CAP2: variants seen among roughly 807,000 people sequenced by gnomAD.
The protein encoded by CAP2 is cyclase associated actin cytoskeleton regulatory protein 2, also known as adenylyl cyclase-associated protein 2.
A neutral mutation model predicts 57.7 loss-of-function variants in CAP2; 24 were observed. That is an observed-to-expected ratio of 0.42 (90% CI 0.30 to 0.58). The LOEUF (loss-of-function observed/expected upper bound fraction) is 0.58. Ranked by LOEUF, CAP2 falls within the 20% of genes least tolerant of loss-of-function variation. CAP2 has a pLI of 0.22. For missense variants in CAP2, 501 were observed against 590.3 expected (o/e 0.85, Z 1.57); for synonymous variants, 194 against 207.2 (o/e 0.94, Z 0.55).
intron 1 of CAP2, among the ~76,000 whole-genome samples, chr6:17,414,383 C>T (rs938033542): frequency 6.6e-6 from 1 of 152,024 alleles, no homozygotes; most frequent in South Asian, 2.1e-4. Context: ...CCTATTGACC[C>T]GTCCTCCAAG....
At chr6:17,461,843 A>G (rs1760730024) in intron 3 of CAP2, among the ~76,000 whole-genome samples, 1 of 150,508 alleles carries the variant, frequency 6.6e-6, no homozygotes, top group Non-Finnish European at 1.5e-5. Context: ...ATACAAAAAA[A>G]TTAGCCAGGC....
At chr6:17,531,532 C>T in intron 7 of CAP2, 2 of 1,536,838 alleles carry the variant, frequency 1.3e-6, no homozygotes, top group Non-Finnish European at 1.8e-6. Context: ...TTTGGACAAA[C>T]TTCTTTCTCA....
intron 4 of CAP2, among the ~76,000 whole-genome samples, chr6:17,467,651 G>A (rs1283042460): frequency 2.0e-5 from 3 of 152,118 alleles, no homozygotes; most frequent in Non-Finnish European, 2.9e-5. Flanking sequence ...AGCCTCCTGA[G>A]TAGCTGGGAT....
intron 3 of CAP2, among the ~76,000 whole-genome samples, chr6:17,447,565 C>T (rs1021531088): frequency 6.6e-6 from 1 of 152,206 alleles, no homozygotes; most frequent in Non-Finnish European, 1.5e-5. Context: ...GTGGCGTGAT[C>T]TTGGCTCACT....
intron 4 of CAP2, among the ~76,000 whole-genome samples, chr6:17,499,076 A>G (rs945096913): frequency 3.9e-5 from 6 of 152,040 alleles, no homozygotes; most frequent in Non-Finnish European, 7.4e-5. Flanking sequence ...AAATGTGCCA[A>G]TGAGATTGTT....
chr6:17,413,745 G>A (rs1265779874), intron 1 of CAP2, among the ~76,000 whole-genome samples: 2 of 152,104 alleles, frequency 1.3e-5, no homozygotes, highest in African/African-American at 4.8e-5. Flanking sequence ...TCACTGATAC[G>A]GTTACTGTAA....
chr6:17,481,417 A>C (rs1177977188), intron 4 of CAP2, among the ~76,000 whole-genome samples: 1 of 139,606 alleles, frequency 7.2e-6, no homozygotes, highest in Non-Finnish European at 1.5e-5. Context: ...CAATTAACTA[A>C]GTAAACTTGG....
intron 1 of CAP2, among the ~76,000 whole-genome samples, chr6:17,405,909 T>C (rs796468061): frequency 1.2e-4 from 18 of 152,086 alleles, no homozygotes; most frequent in African/African-American, 4.1e-4. Flanking sequence ...CTCAGCTAAT[T>C]TTTAAGTTTT....
chr6:17,530,863 C>G (rs1013538996), intron 7 of CAP2: 7 of 1,029,436 alleles, frequency 6.8e-6, no homozygotes, highest in Middle Eastern at 3.1e-4. Flanking sequence ...TATTAACTGA[C>G]CAGCTTAGAA....
intron 3 of CAP2, among the ~76,000 whole-genome samples, chr6:17,429,089 G>A (rs1759662208): frequency 6.6e-6 from 1 of 152,190 alleles, no homozygotes; most frequent in Non-Finnish European, 1.5e-5. Flanking sequence ...GTATCCCACA[G>A]CACTATTGTT....
chr6:17,463,303 A>AG (rs1381442175), intron 4 of CAP2, among the ~76,000 whole-genome samples: 7 of 152,134 alleles, frequency 4.6e-5, no homozygotes, highest in African/African-American at 1.7e-4. Flanking sequence ...TGCGAAAAAA[A>AG]AAAGAAAGAA....
chr6:17,472,769 A>G (rs532741149), intron 4 of CAP2, among the ~76,000 whole-genome samples: 3 of 152,322 alleles, frequency 2.0e-5, no homozygotes, highest in Non-Finnish European at 4.4e-5. Flanking sequence ...GCTTGAGTTG[A>G]CAGCCTGAAG....
chr6:17,455,978 C>T (rs1760557473), intron 3 of CAP2, among the ~76,000 whole-genome samples: 1 of 152,186 alleles, frequency 6.6e-6, no homozygotes, highest in African/African-American at 2.4e-5. Context: ...CTGCTGCTAA[C>T]AGTTTTGTAG....
At chr6:17,406,165 C>T (rs1185513675) in intron 1 of CAP2, among the ~76,000 whole-genome samples, 2 of 152,114 alleles carry the variant, frequency 1.3e-5, no homozygotes, top group Admixed American at 1.3e-4. Context: ...GCTCTCGTCT[C>T]TCTGGGATTC....
At chr6:17,486,991 G>A (rs750065608) in intron 4 of CAP2, among the ~76,000 whole-genome samples, 1 of 152,220 alleles carries the variant, frequency 6.6e-6, no homozygotes, top group Non-Finnish European at 1.5e-5. Flanking sequence ...GCAGGAGGCA[G>A]TTGCAGTTTT....
At position 17,496,034 on chromosome 6, in the gene CAP2, G is replaced by GGGA. The variant is rs1761661370; in HGVS notation, c.301-11133_301-11132insAGG. The stretch of plus-strand genomic sequence containing the variant: ...TGTGCATGCGTGTGTGGGTGGGGGG[G>GGGA]GGGGGTAAGTCAGGGAAAACAGGCT... On this transcript the variant is annotated intron_variant, in intron 4 of 12. Transcript: ENST00000229922. 1.1e-4 allele frequency among the ~76,000 whole-genome samples: 13 copies of GGGA among 117,304 alleles called. 1 individual carries two copies. Among genetic ancestry groups the GGGA allele is most frequent in the African/African-American group, 5.9e-4 (12 of 20,340 alleles). 77.0% of individuals were successfully genotyped at this position (117,304 alleles called of 152,430 possible). A position where few individuals can be genotyped will look rare whatever the true frequency, so the allele number is the denominator to read the frequency against.
intron 1 of CAP2, among the ~76,000 whole-genome samples, chr6:17,414,589 C>CT (rs1219709991): frequency 3.3e-5 from 5 of 152,152 alleles, no homozygotes; most frequent in Admixed American, 1.3e-4. Flanking sequence ...TGATCTCATT[C>CT]CTTTTTACGG....
At chr6:17,538,371 G>A (rs553629957) in intron 7 of CAP2, among the ~76,000 whole-genome samples, 2 of 151,914 alleles carry the variant, frequency 1.3e-5, no homozygotes, top group South Asian at 2.1e-4. Flanking sequence ...CAGGAGAATC[G>A]CTTGCGCCCA....
intron 3 of CAP2, among the ~76,000 whole-genome samples, chr6:17,452,503 A>G (rs1361452539): frequency 6.6e-6 from 1 of 152,226 alleles, no homozygotes; most frequent in Non-Finnish European, 1.5e-5. Context: ...GCAAAGAAAC[A>G]TTCCGTACTT....
Sources: allele counts gnomAD v4.1 joint callset (sites outside exome capture counted in the v4.1 genomes callset), GRCh38; gene constraint gnomAD v4.1.1; transcripts MANE v1.5; gene names NCBI Gene and HGNC (gene_info 2026-07-23, HGNC 2026-07-21).